Variants in HDAC9 observed in about 807,000 individuals in gnomAD.
HDAC9 encodes the protein histone deacetylase 9.
A neutral mutation model predicts 139.4 loss-of-function variants in HDAC9; 41 were observed. The ratio of observed to expected loss-of-function variants is 0.29; its 90% CI spans 0.23 to 0.38. HDAC9 has a LOEUF of 0.38. Among genes scored for constraint, HDAC9 ranks in the 10% least tolerant of loss-of-function variants. The pLI is 1.00. For synonymous variants in HDAC9, 517 were observed against 476.2 expected (o/e 1.09, Z -1.12); for missense variants, 1,147 against 1,297.0 (o/e 0.88, Z 1.78).
intron 1 of HDAC9, among the ~76,000 whole-genome samples, chr7:18,320,124 T>C (rs977891048): frequency 6.6e-6 from 1 of 152,206 alleles, no homozygotes; most frequent in Non-Finnish European, 1.5e-5. Flanking sequence ...GGATGAAATG[T>C]CTTGAGGACA....
chr7:18,994,041 C>T (rs1786245788), intron 25 of HDAC9, among the ~76,000 whole-genome samples: 1 of 152,152 alleles, frequency 6.6e-6, no homozygotes, highest in South Asian at 2.1e-4. Context: ...GAGTGGGTTG[C>T]AGTGTAGACA....
intron 22 of HDAC9, among the ~76,000 whole-genome samples, chr7:18,903,824 T>A (rs1325757176): frequency 6.6e-6 from 1 of 152,202 alleles, no homozygotes; most frequent in Non-Finnish European, 1.5e-5. Context: ...CACTCTGGCT[T>A]AGGATCTTTG....
intron 22 of HDAC9, among the ~76,000 whole-genome samples, chr7:18,883,326 A>G (rs955762953): frequency 6.6e-6 from 1 of 152,154 alleles, no homozygotes; most frequent in Non-Finnish European, 1.5e-5. Flanking sequence ...AAACACATTA[A>G]AAGGTTCATT....
intron 22 of HDAC9, among the ~76,000 whole-genome samples, chr7:18,900,534 A>T (rs1212882837): frequency 2.0e-5 from 3 of 152,172 alleles, no homozygotes; most frequent in African/African-American, 7.2e-5. Flanking sequence ...CAGCTTTTGA[A>T]GTCCATGGCC....
chr7:18,642,448 T>C (rs1262200094), intron 8 of HDAC9, among the ~76,000 whole-genome samples: 1 of 152,130 alleles, frequency 6.6e-6, no homozygotes, highest in Non-Finnish European at 1.5e-5. Context: ...CTCATAGCCT[T>C]GGTCAGTTTA....
intron 10 of HDAC9, 29 bp from the exon 11 acceptor site, chr7:18,648,437 C>G (rs1403195078): frequency 7.3e-7 from 1 of 1,369,274 alleles, no homozygotes; most frequent in Non-Finnish European, 1.0e-6. Context: ...TGTGTGTATA[C>G]ACACATATAC....
At chr7:18,100,408 T>C (rs1782771434) in intron 1 of HDAC9, among the ~76,000 whole-genome samples, 1 of 152,118 alleles carries the variant, frequency 6.6e-6, no homozygotes, top group South Asian at 2.1e-4. Context: ...GTCCCTCCTC[T>C]TTTTTCTCTT....
intron 1 of HDAC9, among the ~76,000 whole-genome samples, chr7:18,383,516 C>T (rs1035400050): frequency 6.6e-6 from 1 of 151,838 alleles, no homozygotes; most frequent in Non-Finnish European, 1.5e-5. Flanking sequence ...AAAACTGGCT[C>T]TTTGGAGAAA....
intron 22 of HDAC9, among the ~76,000 whole-genome samples, chr7:18,918,629 C>T (rs905116389): frequency 1.3e-5 from 2 of 151,998 alleles, no homozygotes; most frequent in South Asian, 2.1e-4. Flanking sequence ...CTCTCCTCCA[C>T]TAAAAGATTA....
intron 2 of HDAC9, among the ~76,000 whole-genome samples, chr7:18,527,219 C>G (rs1807237984): frequency 6.6e-6 from 1 of 152,022 alleles, no homozygotes; most frequent in South Asian, 2.1e-4. Flanking sequence ...TCTTCTTTTA[C>G]CTTTTGAAAT....
intron 22 of HDAC9, among the ~76,000 whole-genome samples, chr7:18,906,276 C>A (rs553153182): frequency 6.6e-6 from 1 of 152,124 alleles, no homozygotes; most frequent in East Asian, 1.9e-4. Flanking sequence ...TCCCAAGTAG[C>A]TGGGATTACA....
chr7:18,746,046 A>AT (rs1466794781), intron 13 of HDAC9, among the ~76,000 whole-genome samples: 1 of 150,556 alleles, frequency 6.6e-6, no homozygotes, highest in South Asian at 2.1e-4. Context: ...GTTTTTAAAA[A>AT]TTTTTGTGGA....
At chr7:18,325,142 A>G (rs1192543261) in intron 1 of HDAC9, among the ~76,000 whole-genome samples, 3 of 152,190 alleles carry the variant, frequency 2.0e-5, no homozygotes, top group Non-Finnish European at 4.4e-5. Context: ...TAATAAAAAA[A>G]GACCCAATAG....
chr7:18,815,184 A>G (rs574458516), intron 17 of HDAC9, among the ~76,000 whole-genome samples: 66 of 152,088 alleles, frequency 4.3e-4, no homozygotes, highest in African/African-American at 1.5e-3. Flanking sequence ...AAAAACAAAA[A>G]CAAATCTTCT....
At chr7:18,180,226 T>TACACACACACACACAC (rs67304424) in intron 2 of HDAC9, among the ~76,000 whole-genome samples, 4 of 120,612 alleles carry the variant, frequency 3.3e-5, no homozygotes, top group Non-Finnish European at 6.8e-5. Flanking sequence ...CCAAGACACA[T>TACACACACACACACAC]ACACACACAC....
chr7:18,246,912 T>C (rs1036614402), intron 2 of HDAC9, among the ~76,000 whole-genome samples: 1 of 151,996 alleles, frequency 6.6e-6, no homozygotes, highest in African/African-American at 2.4e-5. Flanking sequence ...TTTAGTAAGA[T>C]TTTGAATCTA....
chr7:18,470,947 C>T (rs1473038372), intron 1 of HDAC9, among the ~76,000 whole-genome samples: 1 of 151,744 alleles, frequency 6.6e-6, no homozygotes, highest in Non-Finnish European at 1.5e-5. Context: ...ATATCTGAGT[C>T]CTGAATTTGT....
intron 24 of HDAC9, among the ~76,000 whole-genome samples, chr7:18,971,665 T>C (rs1483608893): frequency 2.6e-5 from 4 of 152,238 alleles, no homozygotes; most frequent in Admixed American, 2.6e-4. Flanking sequence ...CGTCTATAAA[T>C]GCATTATTAA....
At chr7:18,621,365 G>A (rs181566855) in intron 6 of HDAC9, among the ~76,000 whole-genome samples, 6 of 151,552 alleles carry the variant, frequency 4.0e-5, no homozygotes, top group East Asian at 3.9e-4. Flanking sequence ...TTACATAATC[G>A]GAAGCAAGCA....
Sources: allele counts gnomAD v4.1 joint callset (sites outside exome capture counted in the v4.1 genomes callset), GRCh38; gene constraint gnomAD v4.1.1; transcripts MANE v1.5; gene names NCBI Gene and HGNC (gene_info 2026-07-23, HGNC 2026-07-21).